VSNL1: variants seen among roughly 807,000 people sequenced by gnomAD.
The protein encoded by VSNL1 is visinin like 1, also known as visinin-like protein 1.
Under a neutral mutation model 20.4 loss-of-function variants are expected in VSNL1, and 6 were observed. The ratio of observed to expected loss-of-function variants is 0.29; its 90% CI spans 0.16 to 0.58. VSNL1 has a LOEUF of 0.58. Among genes scored for constraint, VSNL1 ranks in the 20% least tolerant of loss-of-function variants. VSNL1 has a pLI of 0.90. For synonymous variants in VSNL1, 93 were observed against 86.4 expected, an observed-to-expected ratio of 1.08 and a Z score of -0.42; for missense variants, 100 against 234.5, an observed-to-expected ratio of 0.43 and a Z score of 3.75.
intron 1 of VSNL1, among the ~76,000 whole-genome samples, chr2:17,569,587 A>G (rs920332440): frequency 2.6e-5 from 4 of 152,068 alleles, no homozygotes; most frequent in African/African-American, 9.7e-5. Context: ...TGTCTCTTCC[A>G]TATTTTTCAT....
In VSNL1 at chr2:17,634,784, C is replaced by T. The variant is rs2103415669; in HGVS notation, c.163-14626C>T. ...CCATAGTCACACAGTTCCATCCCAC[C>T]CACTTCGTGCTCTGGTGCTGCTTCC... On this transcript the variant is annotated intron_variant, in intron 2 of 3. Coordinates refer to ENST00000295156, the MANE Select transcript of VSNL1 (RefSeq NM_003385.5). This position sits in a 1 kb window ranked among gnomAD's most constrained non-coding sequence, Gnocchi z 4.3. Among the ~76,000 whole-genome samples the T allele has an allele frequency of 6.6e-6, 1 of 152,262 alleles. No individual in the cohort carries two copies. The highest frequency in any genetic ancestry group is 1.9e-4 in the East Asian group (1 of 5,174).
intron 2 of VSNL1, among the ~76,000 whole-genome samples, chr2:17,647,612 G>C (rs1221336477): frequency 1.3e-5 from 2 of 152,158 alleles, no homozygotes; most frequent in East Asian, 3.8e-4. Flanking sequence ...AAGTAGCATT[G>C]GGGGGTGAGG....
chr2:17,653,710 A>G (rs1034359223), intron 3 of VSNL1, among the ~76,000 whole-genome samples: 9 of 152,260 alleles, frequency 5.9e-5, no homozygotes, highest in African/African-American at 1.9e-4. Context: ...GTTTGCTCTG[A>G]TTGGCATTTC....
At position 17,632,207 on chromosome 2, in the gene VSNL1, G is replaced by A. The variant is rs1004952149; in HGVS notation, c.163-17203G>A. ...TGTATGATTCACTGCTGTATCCCCA[G>A]TGTGAGAAACTTTGTCAGTGTTCAA... On this transcript the variant is annotated intron_variant, in intron 2 of 3. Transcript: ENST00000295156. Among the ~76,000 whole-genome samples the A allele has an allele frequency of 3.9e-5, 6 of 152,258 alleles. No homozygotes were observed. In the East Asian group the frequency reaches 7.7e-4, roughly 20 times the overall value.
chr2:17,573,854 C>G (rs1227233573), intron 1 of VSNL1, among the ~76,000 whole-genome samples: 1 of 152,202 alleles, frequency 6.6e-6, no homozygotes, highest in African/African-American at 2.4e-5. Flanking sequence ...AAGCTTGTGT[C>G]TTCCCTAGAC....
chr2:17,575,195 G>A (rs1664178573), intron 1 of VSNL1, among the ~76,000 whole-genome samples: 1 of 152,172 alleles, frequency 6.6e-6, no homozygotes, highest in Non-Finnish European at 1.5e-5. Context: ...GTACTGGGAA[G>A]GTAGAAATGC....
chr2:17,586,019 G>A (rs1664464813), intron 1 of VSNL1, among the ~76,000 whole-genome samples: 1 of 152,016 alleles, frequency 6.6e-6, no homozygotes, highest in Non-Finnish European at 1.5e-5. Context: ...ATGTTGGCCA[G>A]GCTGGTCTCA....
At chr2:17,545,459 G>A (rs551419000) in intron 1 of VSNL1, among the ~76,000 whole-genome samples, 1 of 152,082 alleles carries the variant, frequency 6.6e-6, no homozygotes, top group Non-Finnish European at 1.5e-5. Flanking sequence ...CTATTTACAA[G>A]AATAAGAATA....
intron 2 of VSNL1, among the ~76,000 whole-genome samples, chr2:17,623,217 A>G (rs947858599): frequency 3.3e-5 from 5 of 152,212 alleles, no homozygotes; most frequent in African/African-American, 1.2e-4. Context: ...AAATCATTCT[A>G]AAGTCCACTT....
chr2:17,627,100 C>A (rs1403128588), intron 2 of VSNL1, among the ~76,000 whole-genome samples: 1 of 152,226 alleles, frequency 6.6e-6, no homozygotes, highest in Non-Finnish European at 1.5e-5. Context: ...AAATCCACGC[C>A]AAGGAGACAC....
At chr2:17,605,861 C>T (rs1199059071) in intron 2 of VSNL1, among the ~76,000 whole-genome samples, 2 of 152,176 alleles carry the variant, frequency 1.3e-5, no homozygotes, top group East Asian at 3.8e-4. Context: ...TACTTTACGT[C>T]CTTTCTAAAG....
In VSNL1 at chr2:17,656,400, A is replaced by G. The variant is rs1456589920; in HGVS notation, c.*1006A>G. The stretch of plus-strand genomic sequence containing the variant: ...AACAGATTTGTTCATTCCGAAAAAA[A>G]AATGTTCATTCTATGACAATAAATT... On this transcript the variant is annotated 3_prime_UTR_variant, in exon 4 of 4. Coordinates refer to ENST00000295156, the MANE Select transcript of VSNL1 (RefSeq NM_003385.5). 2 of 152,218 alleles carry G rather than the reference A, an allele frequency of 1.3e-5. No individual in the cohort carries two copies. Among genetic ancestry groups the G allele is most frequent in the Non-Finnish European group, 2.9e-5 (2 of 68,030 alleles). 9.4% of individuals were successfully genotyped at this position (152,218 alleles called of 1,614,324 possible). A position where few individuals can be genotyped will look rare whatever the true frequency, so the allele number is the denominator to read the frequency against.
chr2:17,545,320 ATTATT>A (rs1255194984), intron 1 of VSNL1, among the ~76,000 whole-genome samples: 14 of 152,266 alleles, frequency 9.2e-5, no homozygotes, highest in African/African-American at 3.1e-4. Context: ...TCTCAAAAAA[ATTATT>A]TTATGATTTA....
At chr2:17,624,080 G>A (rs1208435533) in intron 2 of VSNL1, among the ~76,000 whole-genome samples, 1 of 152,182 alleles carries the variant, frequency 6.6e-6, no homozygotes, top group African/African-American at 2.4e-5. Flanking sequence ...ATTATCATGA[G>A]GACTAAAGGA....
intron 1 of VSNL1, among the ~76,000 whole-genome samples, chr2:17,589,036 A>T (rs1239778729): frequency 2.0e-5 from 3 of 152,212 alleles, no homozygotes; most frequent in Non-Finnish European, 4.4e-5. Flanking sequence ...TTTTACAAGG[A>T]AAGGGAGATA....
At chr2:17,608,384 TC>T (rs1181407497) in intron 2 of VSNL1, among the ~76,000 whole-genome samples, 7 of 152,236 alleles carry the variant, frequency 4.6e-5, no homozygotes, top group African/African-American at 1.7e-4. Context: ...TGTCGTGGCT[TC>T]ACAGCTCAGC....
intron 2 of VSNL1, among the ~76,000 whole-genome samples, chr2:17,643,070 T>C (rs1434513315): frequency 2.7e-5 from 4 of 150,694 alleles, no homozygotes; most frequent in African/African-American, 1.0e-4. Flanking sequence ...AAGGAGCTCA[T>C]GTGTCAGGCT....
At chr2:17,579,252 A>G (rs1664292922) in intron 1 of VSNL1, among the ~76,000 whole-genome samples, 2 of 151,870 alleles carry the variant, frequency 1.3e-5, no homozygotes, top group Non-Finnish European at 2.9e-5. Flanking sequence ...AGTAGCTGGG[A>G]CTACAGGTGC....
intron 2 of VSNL1, among the ~76,000 whole-genome samples, chr2:17,648,435 T>TA (rs779786526): frequency 1.3e-5 from 2 of 152,142 alleles, no homozygotes; most frequent in Non-Finnish European, 2.9e-5. Flanking sequence ...GTGCAAAACT[T>TA]ACGAAGGAAA....
Sources: gnomAD v4.1 joint callset for allele counts (sites outside exome capture counted in the v4.1 genomes callset) on GRCh38, gnomAD v4.1.1 for gene constraint, Gnocchi (gnomAD v3.1) non-coding constraint, MANE v1.5 for transcripts, NCBI Gene and HGNC (gene_info 2026-07-23, HGNC 2026-07-21) for gene names.